The following PTPRD variants were observed in gnomAD, a reference collection of about 807,000 sequenced individuals.
PTPRD encodes protein tyrosine phosphatase receptor type D, also known as receptor-type tyrosine-protein phosphatase delta.
Under a neutral mutation model 214.5 loss-of-function variants are expected in PTPRD, and 34 were observed. That is an observed-to-expected ratio of 0.16 (90% CI 0.12 to 0.21). The LOEUF is 0.21. Among genes scored for constraint, PTPRD ranks in the 10% least tolerant of loss-of-function variants. The pLI is 1.00. For synonymous variants in PTPRD, 1,128 were observed against 845.7 expected (o/e 1.33, Z -5.79); for missense variants, 2,545 against 2,398.7 (o/e 1.06, Z -1.27).
At chr9:9,651,837 T>TC (rs1226592939) in intron 7 of PTPRD, among the ~76,000 whole-genome samples, 1 of 130,902 alleles carries the variant, frequency 7.6e-6, no homozygotes, top group Non-Finnish European at 1.6e-5. Flanking sequence ...TTTTTTTTTT[T>TC]TTTTTTTTTT....
chr9:8,438,832 A>G (rs2095444962), intron 34 of PTPRD: 1 of 152,248 alleles, frequency 6.6e-6, no homozygotes, highest in Non-Finnish European at 1.5e-5. Flanking sequence ...TGCAAAAAGT[A>G]AAGCCAGTTG....
At chr9:10,160,201 A>T (rs766425918) in intron 3 of PTPRD, among the ~76,000 whole-genome samples, 3 of 152,100 alleles carry the variant, frequency 2.0e-5, no homozygotes, top group Non-Finnish European at 4.4e-5. Flanking sequence ...TACTTATATC[A>T]GAATAAAATA....
intron 3 of PTPRD, among the ~76,000 whole-genome samples, chr9:10,290,855 G>T (rs1485849315): frequency 6.6e-6 from 1 of 151,970 alleles, no homozygotes; most frequent in African/African-American, 2.4e-5. Context: ...TTTCAACAAA[G>T]GAAGTACACA....
intron 2 of PTPRD, among the ~76,000 whole-genome samples, chr9:10,372,242 C>G (rs2097641346): frequency 6.6e-6 from 1 of 152,056 alleles, no homozygotes; most frequent in East Asian, 1.9e-4. Context: ...TCCACGTATA[C>G]TTAGTAGTAA....
At chr9:10,125,949 T>A (rs1170994249) in intron 3 of PTPRD, among the ~76,000 whole-genome samples, 1 of 152,140 alleles carries the variant, frequency 6.6e-6, no homozygotes, top group Non-Finnish European at 1.5e-5. Context: ...TAAAAATGCA[T>A]AAATAATTTT....
intron 12 of PTPRD, among the ~76,000 whole-genome samples, chr9:8,720,446 G>T (rs1344778347): frequency 6.6e-6 from 1 of 152,194 alleles, no homozygotes; most frequent in African/African-American, 2.4e-5. Context: ...TGGGGAAACG[G>T]ACTGCACCTT....
Position 9,659,339 on chromosome 9 carries a change from A to C in PTPRD, c.-287+75194T>G, listed in dbSNP as rs181317925. Among the ~76,000 whole-genome samples the C allele has an allele frequency of 2.0e-5, 3 of 152,236 alleles. No homozygotes were observed. In the East Asian group the frequency reaches 5.8e-4, roughly 29 times the overall value. On this transcript the variant is annotated intron_variant, in intron 7 of 45. Transcript: ENST00000381196. ...AATTCTTTATCTGAATATTTGAGAG[A>C]GAAAAAATTTCAACAAATAAATGTT...
At chr9:10,026,541 A>C (rs1235648) in intron 4 of PTPRD, among the ~76,000 whole-genome samples, 124,889 of 152,062 alleles carry the variant, frequency 0.82, 51,817 homozygotes, top group African/African-American at 0.92. Context: ...GACAAAAAAT[A>C]ATTTTTGTTT....
chr9:8,581,751 T>C (rs1264314924), intron 14 of PTPRD, among the ~76,000 whole-genome samples: 1 of 110,804 alleles, frequency 9.0e-6, no homozygotes, highest in African/African-American at 3.5e-5. Context: ...CATCTCTAAA[T>C]AAATAAATAA....
intron 3 of PTPRD, among the ~76,000 whole-genome samples, chr9:10,066,038 A>G (rs1213863558): frequency 2.0e-5 from 3 of 152,130 alleles, no homozygotes; most frequent in African/African-American, 4.8e-5. Flanking sequence ...AATATCTTCT[A>G]GCAAAATGCC....
intron 14 of PTPRD, among the ~76,000 whole-genome samples, chr9:8,606,272 T>G (rs562296736): frequency 6.6e-6 from 1 of 152,226 alleles, no homozygotes; most frequent in Non-Finnish European, 1.5e-5. Context: ...CAGTAGCCAA[T>G]AGGCATGATT....
intron 2 of PTPRD, among the ~76,000 whole-genome samples, chr9:10,406,890 C>T (rs1804878934): frequency 6.6e-6 from 1 of 151,544 alleles, no homozygotes; most frequent in African/African-American, 2.4e-5. Flanking sequence ...GAAATGGCAA[C>T]AGACAGGAGC....
chr9:9,217,964 A>G (rs754735009), intron 9 of PTPRD, among the ~76,000 whole-genome samples: 1 of 152,162 alleles, frequency 6.6e-6, no homozygotes, highest in Non-Finnish European at 1.5e-5. Context: ...TTGCTAACAA[A>G]GCATGTTTTC....
chr9:8,800,188 C>T (rs931953250), intron 11 of PTPRD, among the ~76,000 whole-genome samples: 13 of 151,970 alleles, frequency 8.6e-5, no homozygotes, highest in Non-Finnish European at 1.6e-4. Flanking sequence ...CTGATGACTG[C>T]TGAACACCAA....
At chr9:8,562,250 A>G (rs371680796) in intron 14 of PTPRD, among the ~76,000 whole-genome samples, 63 of 152,182 alleles carry the variant, frequency 4.1e-4, no homozygotes, top group Non-Finnish European at 7.4e-4. Flanking sequence ...TGGACTCTCA[A>G]TTCTCATTAT....
In PTPRD at chr9:8,500,021, TAAGAA is replaced by T. The variant is rs896058790; in HGVS notation, c.2129-186_2129-182del. On this transcript the variant is annotated intron_variant, in intron 24 of 45. Transcript: ENST00000381196. ...TGCTTAACCAATCTGCTCTACCTTT[TAAGAA>T]AAGATCAAAAAACATGACCGATGCA... 6.2e-5 allele frequency among the ~76,000 whole-genome samples: 5 copies of T among 80,412 alleles called. No homozygotes were observed. The South Asian group carries it at 1.0e-3, about 16-fold the overall frequency. 52.8% of individuals were successfully genotyped at this position (80,412 alleles called of 152,430 possible).
intron 3 of PTPRD, among the ~76,000 whole-genome samples, chr9:10,196,159 T>C (rs771616155): frequency 5.3e-5 from 8 of 152,294 alleles, no homozygotes; most frequent in South Asian, 2.1e-4. Context: ...TGGACTTTAT[T>C]GTACATAAAT....
Position 9,490,399 on chromosome 9 carries a change from G to A in PTPRD, c.-237+84333C>T, listed in dbSNP as rs932832927. 9.2e-5 allele frequency among the ~76,000 whole-genome samples: 14 copies of A among 152,058 alleles called. No homozygotes were observed. In the East Asian group the frequency reaches 1.4e-3, roughly 15 times the overall value. On this transcript the variant is annotated intron_variant, in intron 8 of 45. Coordinates refer to ENST00000381196, the MANE Select transcript of PTPRD (RefSeq NM_002839.4). ...ATGACAGTTTTTAATTGTATTTGTCGCTTTCCACACAATTTAATGAACTAA... is the reference window on the plus strand; with the variant it reads ...ATGACAGTTTTTAATTGTATTTGTCACTTTCCACACAATTTAATGAACTAA...
chr9:8,945,930 A>C (rs1221506077), intron 11 of PTPRD, among the ~76,000 whole-genome samples: 1 of 152,186 alleles, frequency 6.6e-6, no homozygotes, highest in Non-Finnish European at 1.5e-5. Context: ...TCAAGTTCTT[A>C]ATTCCTGTAA....
Sources: allele counts gnomAD v4.1 joint callset (sites outside exome capture counted in the v4.1 genomes callset), GRCh38; gene constraint gnomAD v4.1.1; transcripts MANE v1.5; gene names NCBI Gene and HGNC (gene_info 2026-07-23, HGNC 2026-07-21).